Variants in TRDN observed in about 807,000 individuals in gnomAD.
TRDN encodes triadin.
A neutral mutation model predicts 149.7 loss-of-function variants in TRDN; 161 were observed. The ratio of observed to expected loss-of-function variants is 1.08; its 90% CI spans 0.95 to 1.23. TRDN has a LOEUF of 1.23. TRDN is among the 50% of genes most tolerant of loss of function. TRDN has a pLI of 0.00. For missense variants in TRDN, 896 were observed against 823.5 expected (o/e 1.09, Z -1.08); for synonymous variants, 294 against 250.5 (o/e 1.17, Z -1.64).
chr6:123,428,965 C>T (rs1328401779), intron 12 of TRDN, among the ~76,000 whole-genome samples: 1 of 152,050 alleles, frequency 6.6e-6, no homozygotes, highest in East Asian at 1.9e-4. Context: ...TGAAGGAAAG[C>T]ATAATTTCTA....
At position 123,274,626 on chromosome 6, in the gene TRDN, T is replaced by C. The variant is rs537155244; in HGVS notation, c.1597+15A>G. 1 of 1,603,896 alleles carries C rather than the reference T, an allele frequency of 6.2e-7. No individual in the cohort carries two copies. The highest frequency in any genetic ancestry group is 1.3e-5 in the African/African-American group (1 of 74,636). On this transcript the variant is annotated intron_variant, in intron 27 of 40. Coordinates refer to ENST00000334268, the MANE Select transcript of TRDN (RefSeq NM_006073.4). ...ATGTCAACTCTGAATCTATATAAAA[T>C]AAAGCTCATGTTACCTGGTTTTGCT...
At chr6:123,308,338 G>GTT (rs56246935) in intron 24 of TRDN, among the ~76,000 whole-genome samples, 2 of 137,228 alleles carry the variant, frequency 1.5e-5, no homozygotes, top group Admixed American at 7.3e-5. Flanking sequence ...GCACGTGTGT[G>GTT]TTTTTTTTTT....
At position 123,374,767 on chromosome 6, in the gene TRDN, C is replaced by A. The variant is rs541860275; in HGVS notation, c.1273+838G>T. Reference sequence around the variant, plus strand: ...TCCAGCCTGGTGACAGAGAAAGACTCCATCAAAAAAAACAAAAACAAAAAC... The same window carrying A: ...TCCAGCCTGGTGACAGAGAAAGACTACATCAAAAAAAACAAAAACAAAAAC... On this transcript the variant is annotated intron_variant, in intron 19 of 40. Transcript: ENST00000334268. Among the ~76,000 whole-genome samples, 4 of 145,234 alleles carry A rather than the reference C, an allele frequency of 2.8e-5. No individual in the cohort carries two copies. In the South Asian group the frequency reaches 6.3e-4, roughly 23 times the overall value.
chr6:123,278,338 C>A lies in TRDN; in HGVS notation c.1547G>T (p.Gly516Val). ...EVKPKPPQLQ[G>V]KKEEKPEPQI... ...CATACCTGGCTTCTCTTCCTTTTTT[C>A]CTTGTAGTTCTAAAAATATAGATGA... The change falls in exon 26 of 41, where the codon GGA (glycine) becomes GTA (valine). Residue 516 changes from glycine (G) to valine (V), a missense_variant. Physicochemically the swap from Gly to Val is moderately radical, Grantham distance 109 (BLOSUM62 -3). Transcript: ENST00000334268. 1 of 1,289,582 alleles carries A rather than the reference C, an allele frequency of 7.8e-7. No homozygotes were observed. The highest frequency in any genetic ancestry group is 1.0e-6 in the Non-Finnish European group (1 of 955,486). 79.9% of individuals were successfully genotyped at this position (1,289,582 alleles called of 1,614,324 possible).
chr6:123,410,108 T>G (rs1773369763), intron 12 of TRDN, among the ~76,000 whole-genome samples: 1 of 152,136 alleles, frequency 6.6e-6, no homozygotes, highest in Non-Finnish European at 1.5e-5. Flanking sequence ...CTTTGGCAGG[T>G]TTAAGTGGAG....
chr6:123,560,473 A>G (rs1781925034), intron 2 of TRDN, among the ~76,000 whole-genome samples: 1 of 152,102 alleles, frequency 6.6e-6, no homozygotes, highest in Non-Finnish European at 1.5e-5. Context: ...TTTACTTCCA[A>G]AGGAAGCTGG....
intron 16 of TRDN, 84 bp downstream of exon 16, chr6:123,381,286 A>T: frequency 7.7e-7 from 1 of 1,306,016 alleles, no homozygotes; most frequent in East Asian, 2.6e-5. Context: ...AAGCGGATTC[A>T]AAATTGCAGG....
intron 12 of TRDN, among the ~76,000 whole-genome samples, chr6:123,396,834 T>C (rs1046315331): frequency 6.6e-6 from 1 of 152,246 alleles, no homozygotes; most frequent in African/African-American, 2.4e-5. Context: ...TTTTCATTTC[T>C]AGGACACTGT....
At chr6:123,346,619 G>A (rs1018436844) in intron 21 of TRDN, among the ~76,000 whole-genome samples, 2 of 151,888 alleles carry the variant, frequency 1.3e-5, no homozygotes, top group East Asian at 1.9e-4. Context: ...TGTCTCTCCT[G>A]TGGATAAAGA....
chr6:123,462,485 T>A (rs1225108758), intron 10 of TRDN: 1 of 150,948 alleles, frequency 6.6e-6, no homozygotes, highest in Non-Finnish European at 1.5e-5. Flanking sequence ...CAGAGCCACA[T>A]TTTTTTTAGA....
At chr6:123,450,037 C>G (rs192120619) in intron 10 of TRDN, among the ~76,000 whole-genome samples, 3 of 152,262 alleles carry the variant, frequency 2.0e-5, no homozygotes, top group African/African-American at 4.8e-5. Flanking sequence ...TCGCCATTAC[C>G]AAGCCACCAG....
chr6:123,305,668 C>T (rs1476932050), intron 24 of TRDN, among the ~76,000 whole-genome samples: 1 of 152,144 alleles, frequency 6.6e-6, no homozygotes, highest in Non-Finnish European at 1.5e-5. Context: ...GATGTTGGAA[C>T]AAGATTCCTT....
intron 9 of TRDN, among the ~76,000 whole-genome samples, chr6:123,494,219 G>A (rs1778337832): frequency 6.6e-6 from 1 of 152,146 alleles, no homozygotes; most frequent in Admixed American, 6.5e-5. Flanking sequence ...AATGTTGTAG[G>A]TCTGAACTTA....
chr6:123,341,637 A>G (rs991197386), intron 21 of TRDN, among the ~76,000 whole-genome samples: 1 of 151,936 alleles, frequency 6.6e-6, no homozygotes, highest in African/African-American at 2.4e-5. Context: ...GACTGTGGGA[A>G]GATATTCCTC....
At chr6:123,442,521 G>T (rs1774973492) in intron 10 of TRDN, among the ~76,000 whole-genome samples, 1 of 106,832 alleles carries the variant, frequency 9.4e-6, no homozygotes, top group Non-Finnish European at 1.8e-5. Flanking sequence ...ACTCCCGCCT[G>T]GGCCACAGAG....
At chr6:123,377,638 TACC>T in intron 18 of TRDN, 75 bp downstream of exon 18, 2 of 1,554,508 alleles carry the variant, frequency 1.3e-6, no homozygotes, top group Non-Finnish European at 1.8e-6. Flanking sequence ...GGCGCTGCCT[TACC>T]ACCTGTTTGA....
At chr6:123,293,251 C>A (rs145178400) in intron 24 of TRDN, among the ~76,000 whole-genome samples, 311 of 152,202 alleles carry the variant, frequency 2.0e-3, no homozygotes, top group African/African-American at 7.1e-3. Context: ...TATTCAAACC[C>A]CTGCTTGGTA....
chr6:123,512,324 C>A lies in TRDN; in HGVS notation c.589G>T (p.Glu197Ter). 6.7e-7 allele frequency: 1 copy of A among 1,502,700 alleles called. No homozygotes were observed. Among genetic ancestry groups the A allele is most frequent in the Non-Finnish European group, 9.1e-7 (1 of 1,094,612 alleles). The allele number at this position is 1,502,700 out of a possible 1,614,324, so 93.1% of individuals were successfully genotyped here. A position where few individuals can be genotyped will look rare whatever the true frequency, so the allele number is the denominator to read the frequency against. Residue 197 changes from glutamate to a stop codon, truncating the protein, a stop_gained, in exon 7 of 41, where the codon GAA becomes TAA. Coordinates refer to ENST00000334268, the MANE Select transcript of TRDN (RefSeq NM_006073.4). LOFTEE classifies it high-confidence loss of function. ...KEKIEKKEKP[E>*]TKTLAKEQKK... ...TTACCTTTCGCCAGTGTCTTTGTTT[C>A]TGGTTTTTCTTTTTTCTCAATTTTT...
intron 4 of TRDN, among the ~76,000 whole-genome samples, chr6:123,540,660 A>G (rs1780784018): frequency 6.6e-6 from 1 of 152,088 alleles, no homozygotes; most frequent in Non-Finnish European, 1.5e-5. Context: ...CTGGGACTAC[A>G]AGCGCCCGCC....
Sources: allele counts gnomAD v4.1 joint callset (sites outside exome capture counted in the v4.1 genomes callset), GRCh38; gene constraint gnomAD v4.1.1; transcripts MANE v1.5; gene names NCBI Gene and HGNC (gene_info 2026-07-23, HGNC 2026-07-21).